Variants in WDR49 observed in about 807,000 individuals in gnomAD.
WDR49 encodes the protein WD repeat domain 49.
WDR49 carries 107 observed loss-of-function variants against 119.5 expected under a neutral mutation model. The observed-to-expected ratio is 0.90, with a 90% CI of 0.77 to 1.05. The LOEUF is 1.05. Ranked by LOEUF, WDR49 falls within the 50% of genes least tolerant of loss-of-function variation. The pLI, the probability that WDR49 is intolerant of heterozygous loss-of-function variation, is 0.00. For missense variants in WDR49, 1,240 were observed against 1,220.5 expected, an observed-to-expected ratio of 1.02 and a Z score of -0.24; for synonymous variants, 425 against 418.8, an observed-to-expected ratio of 1.01 and a Z score of -0.18.
intron 10 of WDR49, among the ~76,000 whole-genome samples, chr3:167,545,487 T>C (rs541576977): frequency 2.0e-4 from 26 of 129,594 alleles, no homozygotes; most frequent in Non-Finnish European, 3.4e-4. Flanking sequence ...AAATGTACCA[T>C]ATATATATTA....
At chr3:167,492,781 C>T (rs980206441) in intron 18 of WDR49, among the ~76,000 whole-genome samples, 1 of 152,046 alleles carries the variant, frequency 6.6e-6, no homozygotes, top group Non-Finnish European at 1.5e-5. Context: ...ATACATTTAT[C>T]GTTTCCATGG....
At chr3:167,619,746 T>C (rs1270958520) in intron 5 of WDR49, among the ~76,000 whole-genome samples, 1 of 152,110 alleles carries the variant, frequency 6.6e-6, no homozygotes, top group Non-Finnish European at 1.5e-5. Context: ...AGTGAGAAAA[T>C]TAGCATACTC....
chr3:167,482,558 G>A (rs561349109), intron 18 of WDR49, among the ~76,000 whole-genome samples: 13 of 151,168 alleles, frequency 8.6e-5, no homozygotes, highest in Non-Finnish European at 1.6e-4. Context: ...GGGCGCCTGT[G>A]GTCCCAGCTA....
At chr3:167,591,030 CT>C (rs1199907401) in intron 7 of WDR49, among the ~76,000 whole-genome samples, 1 of 151,598 alleles carries the variant, frequency 6.6e-6, no homozygotes, top group Non-Finnish European at 1.5e-5. Flanking sequence ...AGTTTTTTCT[CT>C]TTTTTGATGA....
In WDR49 at chr3:167,610,732, G is replaced by A. The variant is rs559977818; in HGVS notation, c.959-6264C>T. 3.9e-5 allele frequency among the ~76,000 whole-genome samples: 6 copies of A among 152,326 alleles called. No individual in the cohort carries two copies. In the East Asian group the frequency reaches 9.7e-4, roughly 25 times the overall value. ...GTAGTGATTAAAGCAGGTCTTGAGC[G>A]AGACCCAGTGCTGTGCTGGCTTCAG... On this transcript the variant is annotated intron_variant, in intron 5 of 18. Transcript: ENST00000682715.
intron 3 of WDR49, among the ~76,000 whole-genome samples, chr3:167,623,104 C>G (rs1233675108): frequency 6.6e-6 from 1 of 152,084 alleles, no homozygotes; most frequent in Admixed American, 6.6e-5. Context: ...TTCCACCAAA[C>G]GTTTCAAGGA....
At chr3:167,521,271 G>A (rs993739211) in intron 16 of WDR49, among the ~76,000 whole-genome samples, 17 of 152,120 alleles carry the variant, frequency 1.1e-4, no homozygotes, top group African/African-American at 3.9e-4. Context: ...TAAGAAACTA[G>A]TCAAAGAGTT....
Position 167,566,985 on chromosome 3 carries a change from C to A in WDR49, c.1510-6757G>T, listed in dbSNP as rs190107934. The A allele has an allele frequency of 1.8e-3, 978 of 549,816 alleles. 2 individuals carry two copies. Among genetic ancestry groups the A allele is most frequent in the Admixed American group, 4.5e-3 (146 of 32,276 alleles). The allele number at this position is 549,816 out of a possible 1,614,324, so 34.1% of individuals were successfully genotyped here. ...GGAGGTGGAAAGGGAGGCAGGAGGT[C>A]AGGAGAGGTGGGCACACTTGGTGTA... is the stretch of plus-strand genomic sequence containing the variant. On this transcript the variant is annotated intron_variant, in intron 8 of 18. Transcript: ENST00000682715.
At chr3:167,544,646 A>G (rs1053185193) in intron 10 of WDR49, among the ~76,000 whole-genome samples, 4 of 152,110 alleles carry the variant, frequency 2.6e-5, no homozygotes, top group African/African-American at 9.7e-5. Context: ...AGCCACATGT[A>G]GAATGAAGCT....
intron 18 of WDR49, among the ~76,000 whole-genome samples, chr3:167,497,064 C>T: frequency 6.6e-6 from 1 of 152,194 alleles, no homozygotes; most frequent in Admixed American, 6.5e-5. Context: ...CCTTTGACCT[C>T]CTACTCATCC....
intron 5 of WDR49, among the ~76,000 whole-genome samples, chr3:167,609,592 C>T (rs1428864448): frequency 1.3e-5 from 2 of 152,184 alleles, no homozygotes; most frequent in Admixed American, 1.3e-4. Context: ...TCCAAATAAA[C>T]TTGAAATGCC....
At chr3:167,657,536 C>T (rs777086707), upstream of WDR49, among the ~76,000 whole-genome samples, 1 of 147,944 alleles carries the variant, frequency 6.8e-6, no homozygotes, top group Non-Finnish European at 1.5e-5. Flanking sequence ...CATTCTCCTC[C>T]CCCCCCACAA....
intron 7 of WDR49, among the ~76,000 whole-genome samples, chr3:167,597,612 AC>A (rs2108301892): frequency 6.6e-6 from 1 of 152,186 alleles, no homozygotes; most frequent in Admixed American, 6.5e-5. Flanking sequence ...AAAAGCAGCC[AC>A]AAGGATGGTA....
chr3:167,575,260 G>A (rs1714173448), intron 8 of WDR49: 23 of 985,820 alleles, frequency 2.3e-5, no homozygotes, highest in Non-Finnish European at 2.8e-5. Context: ...TGGCTTCACT[G>A]CCTGGGCCGC....
At chr3:167,646,062 C>G (rs1173352344) in intron 2 of WDR49, among the ~76,000 whole-genome samples, 1 of 152,106 alleles carries the variant, frequency 6.6e-6, no homozygotes, top group African/African-American at 2.4e-5. Flanking sequence ...GCACCAGCAT[C>G]TGGTAGGCCC....
chr3:167,578,588 ATTG>A, intron 7 of WDR49, among the ~76,000 whole-genome samples: 1 of 151,988 alleles, frequency 6.6e-6, no homozygotes. Context: ...TTTTAGTCCT[ATTG>A]TTATTATTTT....
rs1553867426 is a variant in WDR49, at chr3:167,573,430, A to ACACACACAC, written c.1509+2487_1509+2488insGTGTGTGTG. On this transcript the variant is annotated intron_variant, in intron 8 of 18. Coordinates refer to ENST00000682715, the MANE Select transcript of WDR49 (RefSeq NM_001366157.1). Reference sequence around the variant, plus strand: ...CACACACACACACACACACACACACAACACAAATAGATAGATCTGTATTTT... The same window carrying ACACACACAC: ...CACACACACACACACACACACACACACACACACACACACAAATAGATAGATCTGTATTTT... 2.1e-3 allele frequency among the ~76,000 whole-genome samples: 307 copies of ACACACACAC among 145,460 alleles called. 1 individual carries two copies. The highest frequency in any genetic ancestry group is 7.5e-3 in the African/African-American group (289 of 38,284).
chr3:167,560,009 G>A, intron 9 of WDR49, 55 bp downstream of exon 9: 1 of 1,574,392 alleles, frequency 6.4e-7, no homozygotes, highest in Non-Finnish European at 8.6e-7. Flanking sequence ...ATGTCTTCTG[G>A]CATAGTATTT....
intron 16 of WDR49, 46 bp downstream of exon 16, chr3:167,522,253 AATCTTATCTATGTCTT>A: frequency 6.9e-7 from 1 of 1,455,496 alleles, no homozygotes; most frequent in Non-Finnish European, 9.1e-7. Flanking sequence ...AATTTGGACC[AATCTTATCTATGTCTT>A]ATCTAGACTT....
Sources: allele counts gnomAD v4.1 joint callset (sites outside exome capture counted in the v4.1 genomes callset), GRCh38; gene constraint gnomAD v4.1.1; transcripts MANE v1.5; gene names NCBI Gene and HGNC (gene_info 2026-07-23, HGNC 2026-07-21).